POTEE: variants seen among roughly 807,000 people sequenced by gnomAD.
The protein encoded by POTEE is ANKRD26-like family C member 1A.
A neutral mutation model predicts 74.2 loss-of-function variants in POTEE; 21 were observed. That is an observed-to-expected ratio of 0.28 (90% CI 0.20 to 0.41). The LOEUF (loss-of-function observed/expected upper bound fraction) is 0.41. Ranked by LOEUF, POTEE falls within the 10% of genes least tolerant of loss-of-function variation. The pLI is 1.00. For missense variants in POTEE, 525 were observed against 1,158.6 expected (o/e 0.45, Z 7.94); for synonymous variants, 211 against 432.8 (o/e 0.49, Z 6.36).
chr2:131,217,829 G>A (rs1353101138), intron 3 of POTEE, among the ~76,000 whole-genome samples, 146 bp downstream of exon 3: 5 of 150,448 alleles, frequency 3.3e-5, no homozygotes, highest in Admixed American at 2.6e-4. Context: ...CGGCTTGCAC[G>A]CGCACGCCGC....
rs771569072 is a variant in POTEE, at chr2:131,263,365, G to A, written c.1910G>A (p.Ser637Asn). The change falls in exon 18 of 18, where the codon AGT (serine) becomes AAT (asparagine). Residue 637 changes from serine to asparagine, a missense_variant. Transcript: ENST00000683005. The part of the protein sequence containing the change: ...VEKMNSELSL[S>N]CKKEKDVLHE... ...TCTTTGTTTACTTAGCTTTCTCTTA[G>A]TTGTAAGAAAGAAAAAGACGTCTTG... 5 of 1,611,158 alleles carry A rather than the reference G, an allele frequency of 3.1e-6. No homozygotes were observed. Among genetic ancestry groups the A allele is most frequent in the Non-Finnish European group, 4.2e-6 (5 of 1,179,650 alleles).
chr2:131,225,037 C>G (rs1573706043), intron 6 of POTEE, among the ~76,000 whole-genome samples: 1 of 152,162 alleles, frequency 6.6e-6, no homozygotes, highest in African/African-American at 2.4e-5. Flanking sequence ...TCTCCTACTC[C>G]TTACTCTTTT....
chr2:131,222,321 T>G (rs1211752598), intron 4 of POTEE, among the ~76,000 whole-genome samples: 2 of 152,266 alleles, frequency 1.3e-5, no homozygotes, highest in Non-Finnish European at 1.5e-5. Context: ...GAAAACCAAA[T>G]ACTGCATGTT....
At chr2:131,211,671 G>A (rs1423643079) in intron 2 of POTEE, among the ~76,000 whole-genome samples, 3 of 147,710 alleles carry the variant, frequency 2.0e-5, no homozygotes, top group Non-Finnish European at 4.5e-5. Flanking sequence ...TCCTGCCTCA[G>A]CCTCCCTAGT....
At chr2:131,234,224 G>A (rs1323579567) in intron 9 of POTEE, among the ~76,000 whole-genome samples, 6 of 151,854 alleles carry the variant, frequency 4.0e-5, no homozygotes, top group Non-Finnish European at 5.9e-5. Flanking sequence ...CATGACCTGT[G>A]TGAGTCACAG....
chr2:131,224,224 G>C (rs1044520476), intron 6 of POTEE, among the ~76,000 whole-genome samples, 181 bp downstream of exon 6: 9 of 151,474 alleles, frequency 5.9e-5, no homozygotes, highest in Non-Finnish European at 1.5e-5. Context: ...AAGCATTAGA[G>C]GGTACAGTTT....
In POTEE at chr2:131,238,206, G is replaced by T. The variant is rs1701204117; in HGVS notation, c.1210G>T (p.Glu404Ter). 1.2e-6 allele frequency: 2 copies of T among 1,604,220 alleles called. No individual in the cohort carries two copies. Among genetic ancestry groups the T allele is most frequent in the Non-Finnish European group, 1.7e-6 (2 of 1,176,912 alleles). Residue 404 changes from glutamate to a stop codon, truncating the protein, a stop_gained, in exon 11 of 18, where the codon GAA becomes TAA. Transcript: ENST00000683005. LOFTEE classifies it high-confidence loss of function. ...ENSQPEKMSQELEINKDGDRE... is the reference protein window; with the variant it reads ...ENSQPEKMSQ ...TTTGCCTCTGCAGAAAATGTCTCAA[G>T]AACTAGAAATAAATAAGGATGGTGA... is the stretch of plus-strand genomic sequence containing the variant.
intron 17 of POTEE, 93 bp from the exon 18 acceptor site, chr2:131,263,257 CTTTCA>C (rs1559206674): frequency 6.8e-7 from 1 of 1,467,704 alleles, no homozygotes; most frequent in East Asian, 2.4e-5. Flanking sequence ...TATGGGGATT[CTTTCA>C]TTATACAAAT....
intron 1 of POTEE, among the ~76,000 whole-genome samples, chr2:131,210,049 C>T (rs1430272648): frequency 1.4e-5 from 1 of 70,894 alleles, no homozygotes; most frequent in Non-Finnish European, 2.5e-5. Context: ...CTAACGTGTA[C>T]TGCCGGTGGC....
intron 8 of POTEE, among the ~76,000 whole-genome samples, chr2:131,230,589 T>A (rs781671595): frequency 2.6e-5 from 4 of 152,178 alleles, no homozygotes; most frequent in Non-Finnish European, 4.4e-5. Context: ...TATGTCATGC[T>A]AATGCTAGCT....
intron 9 of POTEE, among the ~76,000 whole-genome samples, chr2:131,232,065 C>T (rs1481069167): frequency 6.6e-6 from 1 of 151,182 alleles, no homozygotes; most frequent in Non-Finnish European, 1.5e-5. Context: ...GTCCACTTAA[C>T]ATATAACTAT....
chr2:131,230,558 T>C (rs1346554906), intron 8 of POTEE, among the ~76,000 whole-genome samples: 11 of 152,254 alleles, frequency 7.2e-5, no homozygotes, highest in East Asian at 3.9e-4. Context: ...AGGACTTATT[T>C]AGAGTTGGGA....
chr2:131,211,856 A>G (rs1347146750), intron 2 of POTEE, among the ~76,000 whole-genome samples: 1 of 148,690 alleles, frequency 6.7e-6, no homozygotes, highest in African/African-American at 2.5e-5. Flanking sequence ...ACTCCCGGTC[A>G]TTTTTTCCTT....
intron 10 of POTEE, among the ~76,000 whole-genome samples, chr2:131,237,523 A>T (rs1701169007): frequency 1.3e-5 from 2 of 151,898 alleles, no homozygotes; most frequent in Admixed American, 6.6e-5. Context: ...GCAGAAAATT[A>T]GTACATATTA....
At chr2:131,211,783 C>T (rs1700365246) in intron 2 of POTEE, among the ~76,000 whole-genome samples, 1 of 151,264 alleles carries the variant, frequency 6.6e-6, no homozygotes, top group African/African-American at 2.4e-5. Context: ...GTCTAGATCA[C>T]CTGACCTCAT....
chr2:131,217,761 C>CCGCACGCGCACGCCGCACGCGCACG (rs1700478261), intron 3 of POTEE, among the ~76,000 whole-genome samples, 78 bp downstream of exon 3: 1 of 12,712 alleles, frequency 7.9e-5, no homozygotes, highest in Non-Finnish European at 6.1e-4. Context: ...ACGCCGCACG[C>CCGCACGCGCACGCCGCACGCGCACG]CGCACGCGCA....
At chr2:131,227,355 T>C (rs1700814394) in intron 7 of POTEE, among the ~76,000 whole-genome samples, 1 of 149,488 alleles carries the variant, frequency 6.7e-6, no homozygotes, top group African/African-American at 2.6e-5. Flanking sequence ...CCTTTTGTCT[T>C]TTTAATGACT....
chr2:131,236,002 A>C lies in POTEE; in HGVS notation c.1127-730A>C, dbSNP rs1388454566. On this transcript the variant is annotated intron_variant, in intron 9 of 17. Coordinates refer to ENST00000683005, the MANE Select transcript of POTEE (RefSeq NM_001083538.3). ...CAGGAGGATTTCATTTAGGTTCGCA[A>C]CAGCTCAGCAGATTTGCATCCGAAA... Among the ~76,000 whole-genome samples the C allele has an allele frequency of 3.9e-5, 6 of 152,048 alleles. No homozygotes were observed. In the East Asian group the frequency reaches 5.8e-4, roughly 15 times the overall value.
chr2:131,222,433 G>A (rs1471332489), intron 4 of POTEE, among the ~76,000 whole-genome samples: 2 of 151,696 alleles, frequency 1.3e-5, no homozygotes, highest in Admixed American at 1.3e-4. Flanking sequence ...GAGGAGGGAA[G>A]GAAGCAGGAA....
Sources: allele counts gnomAD v4.1 joint callset (sites outside exome capture counted in the v4.1 genomes callset), GRCh38; gene constraint gnomAD v4.1.1; transcripts MANE v1.5; gene names NCBI Gene and HGNC (gene_info 2026-07-23, HGNC 2026-07-21).